DESI2: variants seen among roughly 807,000 people sequenced by gnomAD.
DESI2 encodes desumoylating isopeptidase 2, also known as deubiquitinase DESI2.
In DESI2, 10 loss-of-function variants were observed where a neutral mutation model predicts 24.1. That is an observed-to-expected ratio of 0.41 (90% CI 0.26 to 0.70). The LOEUF (loss-of-function observed/expected upper bound fraction) is 0.70. Ranked by LOEUF, DESI2 falls within the 30% of genes least tolerant of loss-of-function variation. The pLI is 0.29. For synonymous variants in DESI2, 71 were observed against 87.7 expected, an observed-to-expected ratio of 0.81 and a Z score of 1.06; for missense variants, 122 against 234.9, an observed-to-expected ratio of 0.52 and a Z score of 3.14.
rs1392191206 is a variant in DESI2 at position 244,707,127 on chromosome 1, C to T, written c.*1338C>T. On this transcript the variant is annotated 3_prime_UTR_variant, in exon 5 of 5. Transcript: ENST00000302550. ...AATATTGGATGCAGTGTAACACTAT[C>T]CAAGGCAGTGACTTCAGCTTTATAT... is the stretch of plus-strand genomic sequence containing the variant. 1.3e-5 allele frequency: 2 copies of T among 152,584 alleles called. No individual in the cohort carries two copies. Among genetic ancestry groups the T allele is most frequent in the East Asian group, 3.8e-4 (2 of 5,200 alleles). 9.5% of individuals were successfully genotyped at this position (152,584 alleles called of 1,614,324 possible).
At chr1:244,684,549 A>G (rs1259397579) in intron 1 of DESI2, among the ~76,000 whole-genome samples, 1 of 151,358 alleles carries the variant, frequency 6.6e-6, no homozygotes, top group Non-Finnish European at 1.5e-5. Flanking sequence ...TTTTTATTTT[A>G]TGTGGTTTTT....
At chr1:244,662,496 C>T (rs573745726) in intron 1 of DESI2, among the ~76,000 whole-genome samples, 1 of 152,120 alleles carries the variant, frequency 6.6e-6, no homozygotes, top group Non-Finnish European at 1.5e-5. Flanking sequence ...ATATTCTTCC[C>T]TCCACCCCCA....
At chr1:244,654,127 G>T in intron 1 of DESI2, 1 of 423,138 alleles carries the variant, frequency 2.4e-6, no homozygotes. Flanking sequence ...TCGAGTCCAA[G>T]AACTGGTTTG....
chr1:244,670,480 A>C (rs987188529), intron 1 of DESI2, among the ~76,000 whole-genome samples: 8 of 152,244 alleles, frequency 5.3e-5, no homozygotes, highest in African/African-American at 1.7e-4. Context: ...TCTTATTGCC[A>C]ATAAATACGC....
chr1:244,683,535 T>C (rs1252029679), intron 1 of DESI2, among the ~76,000 whole-genome samples: 1 of 152,104 alleles, frequency 6.6e-6, no homozygotes, highest in Non-Finnish European at 1.5e-5. Flanking sequence ...GTGGTCTTGA[T>C]CTCCTGACCT....
chr1:244,664,606 G>A (rs1285088845), intron 1 of DESI2, among the ~76,000 whole-genome samples: 1 of 152,222 alleles, frequency 6.6e-6, no homozygotes, highest in East Asian at 1.9e-4. Flanking sequence ...ACTGAGATGG[G>A]AGGATTGCCT....
intron 1 of DESI2, among the ~76,000 whole-genome samples, chr1:244,655,871 G>C (rs1675629489): frequency 6.6e-6 from 1 of 152,214 alleles, no homozygotes; most frequent in African/African-American, 2.4e-5. Context: ...AACTTCTTTA[G>C]TCAGATGTGT....
At chr1:244,701,031 T>C (rs1377340690) in intron 4 of DESI2, among the ~76,000 whole-genome samples, 1 of 152,160 alleles carries the variant, frequency 6.6e-6, no homozygotes, top group African/African-American at 2.4e-5. Context: ...TTGTTGCTTA[T>C]AGTAAAATGT....
chr1:244,704,196 G>A (rs1677599788), intron 4 of DESI2, among the ~76,000 whole-genome samples: 1 of 152,182 alleles, frequency 6.6e-6, no homozygotes, highest in Non-Finnish European at 1.5e-5. Context: ...TTAAATTTTA[G>A]CTAATTTTTA....
At chr1:244,684,470 T>TGTAA (rs1482190888) in intron 1 of DESI2, among the ~76,000 whole-genome samples, 1 of 152,226 alleles carries the variant, frequency 6.6e-6, no homozygotes, top group African/African-American at 2.4e-5. Flanking sequence ...ATACTTAACA[T>TGTAA]GTAAGTATAT....
At chr1:244,669,156 C>T (rs913253437) in intron 1 of DESI2, among the ~76,000 whole-genome samples, 3 of 151,834 alleles carry the variant, frequency 2.0e-5, no homozygotes, top group African/African-American at 4.8e-5. Flanking sequence ...CCGCCACACC[C>T]GGCTAATTGT....
Position 244,689,829 on chromosome 1 carries a change from G to C in DESI2, c.209+487G>C, listed in dbSNP as rs370305453. Among the ~76,000 whole-genome samples the C allele has an allele frequency of 3.9e-5, 6 of 152,188 alleles. No individual in the cohort carries two copies. Among genetic ancestry groups the C allele is most frequent in the Admixed American group, 6.5e-5 (1 of 15,270 alleles). On this transcript the variant is annotated intron_variant, in intron 3 of 4. Transcript: ENST00000302550. This position sits in a 1 kb window ranked among gnomAD's most constrained non-coding sequence, Gnocchi z 4.0. ...CCAGCCCAGGAAACTCCTTTCTAAT[G>C]ATTTCTTCCCCTCAATCTCCTGTTT...
chr1:244,676,801 T>A (rs1229995004), intron 1 of DESI2, among the ~76,000 whole-genome samples: 1 of 147,828 alleles, frequency 6.8e-6, no homozygotes, highest in Non-Finnish European at 1.5e-5. Context: ...ATAAAATATA[T>A]ATTATATATA....
chr1:244,658,349 A>C (rs371114219), intron 1 of DESI2, among the ~76,000 whole-genome samples: 24 of 152,324 alleles, frequency 1.6e-4, no homozygotes, highest in African/African-American at 4.1e-4. Flanking sequence ...TCACATCCCC[A>C]TATCTTTATG....
intron 1 of DESI2, among the ~76,000 whole-genome samples, chr1:244,682,577 T>TA (rs1162902955): frequency 2.6e-5 from 4 of 152,172 alleles, no homozygotes; most frequent in African/African-American, 7.2e-5. Flanking sequence ...TTCTTTTTTG[T>TA]AAAAAAATAG....
At chr1:244,653,412 G>T (rs1675530513) in intron 1 of DESI2, 57 bp downstream of exon 1, 1 of 1,513,274 alleles carries the variant, frequency 6.6e-7, no homozygotes, top group South Asian at 1.3e-5. Context: ...CCTCTCGCCC[G>T]TGGGGCTCGG....
chr1:244,707,157 A>T lies in DESI2; in HGVS notation c.*1368A>T, dbSNP rs567927548. On this transcript the variant is annotated 3_prime_UTR_variant, in exon 5 of 5. Transcript: ENST00000302550. The stretch of plus-strand genomic sequence containing the variant: ...GCAGTGACTTCAGCTTTATATACAT[A>T]TAAAATATAGTTAGTTTTAAAATTA... The T allele has an allele frequency of 6.5e-6, 1 of 152,784 alleles. No homozygotes were observed. Among genetic ancestry groups the T allele is most frequent in the East Asian group, 1.9e-4 (1 of 5,196 alleles). 9.5% of individuals were successfully genotyped at this position (152,784 alleles called of 1,614,324 possible).
At chr1:244,662,253 G>T (rs1231987288) in intron 1 of DESI2, among the ~76,000 whole-genome samples, 1 of 152,122 alleles carries the variant, frequency 6.6e-6, no homozygotes, top group Non-Finnish European at 1.5e-5. Context: ...TGATGGGGTT[G>T]TTTGTTTTTT....
chr1:244,683,662 C>G (rs1676712086), intron 1 of DESI2, among the ~76,000 whole-genome samples: 1 of 151,970 alleles, frequency 6.6e-6, no homozygotes, highest in Admixed American at 6.6e-5. Flanking sequence ...ACAAATATAT[C>G]CTGGAAATTA....
Sources: gnomAD v4.1 joint callset for allele counts (sites outside exome capture counted in the v4.1 genomes callset) on GRCh38, gnomAD v4.1.1 for gene constraint, Gnocchi (gnomAD v3.1) non-coding constraint, MANE v1.5 for transcripts, NCBI Gene and HGNC (gene_info 2026-07-23, HGNC 2026-07-21) for gene names.